The following XK variants were observed in gnomAD, a reference collection of about 807,000 sequenced individuals.
The protein encoded by XK is X-linked Kx blood group antigen, Kell and VPS13A binding protein.
Under a neutral mutation model 14.0 loss-of-function variants are expected in XK, and 2 were observed. The observed-to-expected ratio is 0.14, with a 90% CI of 0.06 to 0.45. The LOEUF is 0.45. Among genes scored for constraint, XK ranks in the 20% least tolerant of loss-of-function variants. The probability of loss-of-function intolerance (pLI) is 0.98; values close to 1 mark genes in which losing one functional copy is unlikely to be tolerated. For synonymous variants in XK, 149 were observed against 147.5 expected, an observed-to-expected ratio of 1.01 and a Z score of -0.08; for missense variants, 235 against 341.5, an observed-to-expected ratio of 0.69 and a Z score of 2.46.
intron 2 of XK, among the ~76,000 whole-genome samples, chrX:37,723,885 A>T (rs1349044599): frequency 9.0e-6 from 1 of 111,639 alleles, no homozygotes; most frequent in Non-Finnish European, 1.9e-5. Flanking sequence ...TGTATAAGTA[A>T]TATACAAAGT....
chrX:37,703,857 T>A (rs1927460942), intron 2 of XK, among the ~76,000 whole-genome samples: 1 of 112,709 alleles, frequency 8.9e-6, no homozygotes, highest in Admixed American at 9.4e-5. Flanking sequence ...AAGCACTCAA[T>A]AACTCACTCC....
chrX:37,687,425 G>A (rs1927104582), intron 1 of XK, among the ~76,000 whole-genome samples: 1 of 109,979 alleles, frequency 9.1e-6, no homozygotes, highest in African/African-American at 3.3e-5. Flanking sequence ...GCGCCATCAT[G>A]CCTGGCTAAT....
At chrX:37,726,838 A>AT (rs1334615516) in intron 2 of XK, among the ~76,000 whole-genome samples, 4 of 112,217 alleles carry the variant, frequency 3.6e-5, no homozygotes, top group African/African-American at 1.3e-4. Flanking sequence ...TCCCCACAGA[A>AT]TTTAAGAATG....
At chrX:37,688,232 A>G (rs1556440748) in intron 1 of XK, among the ~76,000 whole-genome samples, 1 of 106,959 alleles carries the variant, frequency 9.3e-6, no homozygotes. Flanking sequence ...GGCTAATTTT[A>G]TTTTTTTGTA....
chrX:37,720,555 A>G (rs1186169372), intron 2 of XK, among the ~76,000 whole-genome samples: 2 of 110,516 alleles, frequency 1.8e-5, no homozygotes, highest in African/African-American at 6.6e-5. Flanking sequence ...CAGAGGTACA[A>G]GTAGTTTTGT....
chrX:37,715,806 T>C (rs1927755483), intron 2 of XK, among the ~76,000 whole-genome samples: 3 of 111,752 alleles, frequency 2.7e-5, no homozygotes, highest in Non-Finnish European at 5.7e-5. Flanking sequence ...ATGCTTATTA[T>C]AAGATTATAT....
chrX:37,715,794 G>A (rs1367602156), intron 2 of XK, among the ~76,000 whole-genome samples: 3 of 111,621 alleles, frequency 2.7e-5, no homozygotes, highest in African/African-American at 9.8e-5. Context: ...GTGTAATGGT[G>A]TATGCTTATT....
At chrX:37,711,702 G>A (rs1296024273) in intron 2 of XK, among the ~76,000 whole-genome samples, 1 of 111,544 alleles carries the variant, frequency 9.0e-6, no homozygotes, top group Non-Finnish European at 1.9e-5. Flanking sequence ...CCTGCACCCG[G>A]ATGCTTGCCT....
chrX:37,724,822 TA>T (rs374119011), intron 2 of XK, among the ~76,000 whole-genome samples: 43 of 100,354 alleles, frequency 4.3e-4, no homozygotes, highest in East Asian at 9.2e-4. Flanking sequence ...AACAATCAAG[TA>T]AAAAAAAAAA....
intron 1 of XK, among the ~76,000 whole-genome samples, chrX:37,686,685 G>A (rs1927083958): frequency 9.0e-6 from 1 of 111,080 alleles, no homozygotes; most frequent in Non-Finnish European, 1.9e-5. Flanking sequence ...AGCTTTAACA[G>A]TATTTAATTC....
At chrX:37,691,245 C>G (rs928985782) in intron 1 of XK, among the ~76,000 whole-genome samples, 6 of 112,353 alleles carry the variant, frequency 5.3e-5, no homozygotes, top group Admixed American at 4.7e-4. Flanking sequence ...TCCTCTGAAC[C>G]CTCATTTCGT....
intron 2 of XK, among the ~76,000 whole-genome samples, chrX:37,726,600 G>C (rs1275070797): frequency 1.2e-4 from 14 of 112,063 alleles, no homozygotes. Context: ...ATCTTAGATA[G>C]TACAACTCAA....
chrX:37,689,467 A>T (rs986144822), intron 1 of XK, among the ~76,000 whole-genome samples: 1 of 112,091 alleles, frequency 8.9e-6, no homozygotes, highest in Non-Finnish European at 1.9e-5. Context: ...TTGTTTTTTG[A>T]CAGTTTAACT....
rs1373702419 is a variant in XK at position 37,730,324 on chromosome X, A to G, written c.*1862A>G. 1 of 112,485 alleles carries G rather than the reference A, an allele frequency of 8.9e-6. No homozygotes were observed. The allele number at this position is 112,485 out of a possible 1,213,427, so 9.3% of individuals were successfully genotyped here. On this transcript the variant is annotated 3_prime_UTR_variant, in exon 3 of 3. Transcript: ENST00000378616. Reference sequence around the variant, plus strand: ...ACTTCCATGCACTCTTCATGTAATCACATATGTGCATAGATACACAATCGT... The same window carrying G: ...ACTTCCATGCACTCTTCATGTAATCGCATATGTGCATAGATACACAATCGT...
At chrX:37,689,551 C>G (rs1054592463) in intron 1 of XK, among the ~76,000 whole-genome samples, 1 of 111,930 alleles carries the variant, frequency 8.9e-6, no homozygotes. Context: ...GTTCATGCAG[C>G]ACGATGGCCC....
intron 2 of XK, among the ~76,000 whole-genome samples, chrX:37,727,375 G>C (rs1602158719): frequency 1.8e-5 from 2 of 111,405 alleles, no homozygotes; most frequent in Middle Eastern, 9.2e-3. Flanking sequence ...CCTAATCTGG[G>C]CTGGAATTGG....
chrX:37,697,955 C>T (rs977908394), intron 2 of XK, among the ~76,000 whole-genome samples: 1 of 112,013 alleles, frequency 8.9e-6, no homozygotes, highest in Non-Finnish European at 1.9e-5. Flanking sequence ...CAGTGAATAA[C>T]GGACACTGTG....
At chrX:37,717,485 G>C (rs1289776144) in intron 2 of XK, among the ~76,000 whole-genome samples, 5 of 111,940 alleles carry the variant, frequency 4.5e-5, no homozygotes, top group Non-Finnish European at 7.5e-5. Context: ...CCCTTGTCAT[G>C]AATTAAGAGT....
At chrX:37,717,453 C>A (rs1384266028) in intron 2 of XK, among the ~76,000 whole-genome samples, 1 of 111,694 alleles carries the variant, frequency 9.0e-6, no homozygotes, top group African/African-American at 3.3e-5. Flanking sequence ...GTGATTCATA[C>A]CTGTAAAATT....
Sources: gnomAD v4.1 joint callset for allele counts (sites outside exome capture counted in the v4.1 genomes callset) on GRCh38, gnomAD v4.1.1 for gene constraint, MANE v1.5 for transcripts, NCBI Gene and HGNC (gene_info 2026-07-23, HGNC 2026-07-21) for gene names.